The following DNAJC25 variants were observed in gnomAD, a reference collection of about 807,000 sequenced individuals.
DNAJC25 encodes DnaJ heat shock protein family (Hsp40) member C25, also known as dnaJ homolog subfamily C member 25.
Under a neutral mutation model 42.1 loss-of-function variants are expected in DNAJC25, and 26 were observed. That is an observed-to-expected ratio of 0.62 (90% confidence interval 0.45 to 0.86). The LOEUF (loss-of-function observed/expected upper bound fraction) is 0.86, where lower values mean the gene tolerates loss of function less well. Among genes scored for constraint, DNAJC25 ranks in the 40% least tolerant of loss-of-function variants. The pLI is 0.00. For missense variants in DNAJC25, 404 were observed against 459.4 expected (o/e 0.88, Z 1.10); for synonymous variants, 189 against 179.9 (o/e 1.05, Z -0.40).
intron 1 of DNAJC25, among the ~76,000 whole-genome samples, chr9:111,641,211 G>T (rs1338822623): frequency 7.5e-5 from 7 of 92,892 alleles, no homozygotes; most frequent in South Asian, 3.2e-4. Flanking sequence ...CAGCCGCCCC[G>T]TCCGGGAGGG....
chr9:111,638,907 GC>G (rs1830402995), intron 1 of DNAJC25, among the ~76,000 whole-genome samples: 1 of 150,954 alleles, frequency 6.6e-6, no homozygotes, highest in African/African-American at 2.4e-5. Flanking sequence ...ATCCAAACTT[GC>G]CTTCCTAGCT....
intron 2 of DNAJC25, among the ~76,000 whole-genome samples, chr9:111,647,655 G>A (rs1830587153): frequency 6.6e-6 from 1 of 152,240 alleles, no homozygotes; most frequent in Non-Finnish European, 1.5e-5. Flanking sequence ...CCAAATGCCA[G>A]TAGTGCTTGC....
At chr9:111,642,603 C>CAATAAAAAAATAAATA (rs201957943) in intron 1 of DNAJC25, among the ~76,000 whole-genome samples, 69 of 109,274 alleles carry the variant, frequency 6.3e-4, no homozygotes, top group East Asian at 2.4e-3. Flanking sequence ...CAAGAATTAT[C>CAATAAAAAAATAAATA]AATAAATAAA....
At chr9:111,638,738 C>T (rs997851838) in intron 1 of DNAJC25, among the ~76,000 whole-genome samples, 12 of 152,102 alleles carry the variant, frequency 7.9e-5, no homozygotes, top group African/African-American at 2.7e-4. Context: ...GTTTCTCCCT[C>T]ATTCGACTTT....
Position 111,631,728 on chromosome 9 carries a change from C to T in DNAJC25, c.321C>T (p.Ala107=). 6.6e-7 allele frequency: 1 copy of T among 1,519,750 alleles called. No homozygotes were observed. The highest frequency in any genetic ancestry group is 1.2e-5 in the South Asian group (1 of 83,628). The allele number at this position is 1,519,750 out of a possible 1,614,324, so 94.1% of individuals were successfully genotyped here. A position where few individuals can be genotyped will look rare whatever the true frequency, so the allele number is the denominator to read the frequency against. The change falls in exon 1 of 4, where the codon GCC becomes GCT. Residue 107 remains alanine (A), a synonymous_variant. Transcript: ENST00000313525. ...AGGCTTTCCTGCTGGTGGCAACCGC[C>T]TACGAGACACTCAAGGTGAGGCCTG... The part of the protein sequence containing the change: ...AEEAFLLVAT[A]YETLKDEETR...
At chr9:111,647,011 A>G (rs1830576002) in intron 1 of DNAJC25, 96 bp from the exon 2 acceptor site, 1 of 1,323,270 alleles carries the variant, frequency 7.6e-7, no homozygotes, top group Admixed American at 2.8e-5. Context: ...GATTAACCTT[A>G]CATAATTATA....
At position 111,654,112 on chromosome 9, in the gene DNAJC25, A is replaced by C. The variant is rs1034128422; in HGVS notation, c.*890A>C. The C allele has an allele frequency of 1.3e-5, 2 of 152,304 alleles. No homozygotes were observed. Among genetic ancestry groups the C allele is most frequent in the Admixed American group, 6.5e-5 (1 of 15,292 alleles). 9.4% of individuals were successfully genotyped at this position (152,304 alleles called of 1,614,324 possible). On this transcript the variant is annotated 3_prime_UTR_variant, in exon 4 of 4. Transcript: ENST00000313525. The stretch of plus-strand genomic sequence containing the variant: ...TTGAGTGGTGAAAAATCCGTTGTAC[A>C]TGAGAACATTTCTATGCATTTAAGC...
Position 111,631,485 on chromosome 9 carries a change from G to C in DNAJC25, c.78G>C (p.Leu26=). Residue 26 remains leucine (L), a synonymous_variant, in exon 1 of 4, where the codon CTG becomes CTC. Transcript: ENST00000313525. ...GRRWWMLLAP[L]LPALLLVRPA... ...GCTGGTGGATGCTGCTGGCGCCCCT[G>C]CTGCCGGCGCTGCTGCTGGTGCGGC... is the stretch of plus-strand genomic sequence containing the variant. 7.6e-7 allele frequency: 1 copy of C among 1,323,284 alleles called. No homozygotes were observed. Among genetic ancestry groups the C allele is most frequent in the Non-Finnish European group, 9.6e-7 (1 of 1,043,332 alleles). The allele number at this position is 1,323,284 out of a possible 1,614,324, so 82.0% of individuals were successfully genotyped here.
chr9:111,644,750 C>T (rs958686769), intron 1 of DNAJC25, among the ~76,000 whole-genome samples: 2 of 152,008 alleles, frequency 1.3e-5, no homozygotes, highest in South Asian at 2.1e-4. Context: ...ATTGGGATGC[C>T]GAGTTAAAGT....
intron 1 of DNAJC25, 75 bp downstream of exon 1, chr9:111,631,818 C>G: frequency 6.9e-7 from 1 of 1,443,866 alleles, no homozygotes; most frequent in Non-Finnish European, 9.0e-7. Context: ...CCCCGGTCCG[C>G]GGAGCGTGGG....
At chr9:111,641,369 C>T (rs1240520169) in intron 1 of DNAJC25, among the ~76,000 whole-genome samples, 293 of 131,800 alleles carry the variant, frequency 2.2e-3, no homozygotes, top group African/African-American at 3.3e-3. Context: ...GTCAGCCCCC[C>T]GCCCGGCCAG....
chr9:111,631,858 A>G (rs1830286760), intron 1 of DNAJC25, 115 bp downstream of exon 1: 4 of 1,392,748 alleles, frequency 2.9e-6, no homozygotes, highest in South Asian at 1.6e-5. Flanking sequence ...GAGCACAGCC[A>G]CCACCGCGAC....
chr9:111,639,933 CGT>C (rs1453505665), intron 1 of DNAJC25, among the ~76,000 whole-genome samples: 16,508 of 130,818 alleles, frequency 0.13, 1,038 homozygotes, highest in East Asian at 0.34. Context: ...TCTCCCTCTC[CGT>C]CTCCGTCTCC....
intron 1 of DNAJC25, among the ~76,000 whole-genome samples, chr9:111,633,499 A>G (rs1013800701): frequency 3.3e-5 from 5 of 152,194 alleles, no homozygotes; most frequent in Non-Finnish European, 7.3e-5. Context: ...TAGGGAGTTT[A>G]TGGACTTTGG....
intron 1 of DNAJC25, among the ~76,000 whole-genome samples, chr9:111,635,766 G>T (rs1442824489): frequency 6.6e-6 from 1 of 152,226 alleles, no homozygotes; most frequent in Non-Finnish European, 1.5e-5. Context: ...TAAGTTGAAA[G>T]GATGTGTAGA....
At chr9:111,635,994 A>T (rs1408747137) in intron 1 of DNAJC25, among the ~76,000 whole-genome samples, 1 of 152,210 alleles carries the variant, frequency 6.6e-6, no homozygotes, top group Non-Finnish European at 1.5e-5. Flanking sequence ...AGGGGCTTGG[A>T]GGAGACCATA....
At chr9:111,633,922 T>C (rs1438397095) in intron 1 of DNAJC25, among the ~76,000 whole-genome samples, 3 of 152,322 alleles carry the variant, frequency 2.0e-5, no homozygotes, top group East Asian at 1.9e-4. Flanking sequence ...GACCAGTATG[T>C]CTGGAGTAGG....
chr9:111,650,110 A>AT (rs1830634665), intron 3 of DNAJC25, among the ~76,000 whole-genome samples, 187 bp downstream of exon 3: 2 of 152,346 alleles, frequency 1.3e-5, no homozygotes, highest in African/African-American at 4.8e-5. Context: ...TTAACCTGTA[A>AT]TTTCTCTTTT....
At chr9:111,640,873 C>T (rs1350090834) in intron 1 of DNAJC25, among the ~76,000 whole-genome samples, 2 of 109,618 alleles carry the variant, frequency 1.8e-5, no homozygotes, top group Non-Finnish European at 3.5e-5. Flanking sequence ...CCGCCCCATC[C>T]GGGAGGGAGG....
Sources: gnomAD v4.1 joint callset for allele counts (sites outside exome capture counted in the v4.1 genomes callset) on GRCh38, gnomAD v4.1.1 for gene constraint, MANE v1.5 for transcripts, NCBI Gene and HGNC (gene_info 2026-07-23, HGNC 2026-07-21) for gene names.